The following FIP1L1 variants were observed in gnomAD, a reference collection of about 807,000 sequenced individuals.
The protein encoded by FIP1L1 is factor interacting with PAPOLA and CPSF1.
A neutral mutation model predicts 84.6 loss-of-function variants in FIP1L1; 21 were observed. That is an observed-to-expected ratio of 0.25 (90% CI 0.18 to 0.36). The LOEUF is 0.36. Among genes scored for constraint, FIP1L1 ranks in the 10% least tolerant of loss-of-function variants. The pLI is 1.00. For synonymous variants in FIP1L1, 263 were observed against 242.3 expected (o/e 1.09, Z -0.80); for missense variants, 526 against 751.1 (o/e 0.70, Z 3.50).
At chr4:53,446,396 A>G (rs1230955413) in intron 15 of FIP1L1, among the ~76,000 whole-genome samples, 2 of 152,064 alleles carry the variant, frequency 1.3e-5, no homozygotes, top group Non-Finnish European at 2.9e-5. Context: ...GTTACCTGTT[A>G]TTTTTTATAA....
intron 15 of FIP1L1, 68 bp from the exon 16 acceptor site, chr4:53,452,852 A>G (rs1014898709): frequency 4.2e-6 from 5 of 1,196,590 alleles, no homozygotes; most frequent in Middle Eastern, 2.8e-4. Context: ...CTCATGACAC[A>G]TTTTTGGTGG....
intron 11 of FIP1L1, among the ~76,000 whole-genome samples, chr4:53,416,064 TAAAGA>T (rs1331158615): frequency 6.6e-6 from 1 of 152,202 alleles, no homozygotes; most frequent in Admixed American, 6.5e-5. Flanking sequence ...TTATTTTAAA[TAAAGA>T]AAAGTTAGAT....
chr4:53,456,630 G>GT (rs1365132765), intron 16 of FIP1L1, among the ~76,000 whole-genome samples: 1 of 152,106 alleles, frequency 6.6e-6, no homozygotes, highest in Non-Finnish European at 1.5e-5. Context: ...TTCAACTTCT[G>GT]TTTTTTAGGG....
In FIP1L1 at chr4:53,390,916, CTAAATT is replaced by C. The variant is rs1177104186; in HGVS notation, c.506-90_506-85del. 15 of 1,081,886 alleles carry C rather than the reference CTAAATT, an allele frequency of 1.4e-5. No individual in the cohort carries two copies. The East Asian group carries it at 3.6e-4, about 26-fold the overall frequency. The allele number at this position is 1,081,886 out of a possible 1,614,324, so 67.0% of individuals were successfully genotyped here. A position where few individuals can be genotyped will look rare whatever the true frequency, so the allele number is the denominator to read the frequency against. ...TGATAGAGTGATAACTGATAGAACT[CTAAATT>C]TATATTTTTATAGTTTAGTATATTT... On this transcript the variant is annotated intron_variant, in intron 7 of 17. Transcript: ENST00000337488.
At chr4:53,426,056 T>A in intron 12 of FIP1L1, 91 bp downstream of exon 12, 1 of 829,676 alleles carries the variant, frequency 1.2e-6, no homozygotes, top group Non-Finnish European at 1.9e-6. Context: ...CATAGTGCTA[T>A]GCTGTGTTTT....
intron 16 of FIP1L1, among the ~76,000 whole-genome samples, chr4:53,455,993 T>C (rs1186497232): frequency 6.6e-6 from 1 of 152,108 alleles, no homozygotes; most frequent in Non-Finnish European, 1.5e-5. Flanking sequence ...GGAAATGTGC[T>C]GTTGACTTTA....
chr4:53,454,824 C>G (rs889818482), intron 16 of FIP1L1, among the ~76,000 whole-genome samples: 5 of 152,158 alleles, frequency 3.3e-5, no homozygotes, highest in African/African-American at 1.2e-4. Context: ...ATTGCCTTCT[C>G]CTCTCTAGCT....
At chr4:53,412,899 ACT>A (rs1204771528) in intron 10 of FIP1L1, among the ~76,000 whole-genome samples, 2 of 151,948 alleles carry the variant, frequency 1.3e-5, no homozygotes, top group African/African-American at 4.8e-5. Context: ...TGATTATGTA[ACT>A]CTTATTTCTC....
In FIP1L1 at chr4:53,413,062, C is replaced by A. The variant is rs149367519; in HGVS notation, c.816-1553C>A. On this transcript the variant is annotated intron_variant, in intron 10 of 17. Transcript: ENST00000337488. ...TTATTTGTATACATGGTGTTTAAAC[C>A]GTATGTATGATTTATATATACTGTA... Among the ~76,000 whole-genome samples the A allele has an allele frequency of 4.0e-3, 603 of 152,024 alleles. 5 individuals are homozygous for A. The highest frequency in any genetic ancestry group is 0.014 in the African/African-American group (571 of 41,494).
At position 53,425,888 on chromosome 4, in the gene FIP1L1, A is replaced by G; in HGVS notation, c.940A>G (p.Ile314Val). The change falls in exon 12 of 18, where the codon ATT (isoleucine) becomes GTT (valine). Residue 314 changes from isoleucine (I) to valine (V), a missense_variant. This residue lies in a region of FIP1L1 where 80 missense variants were observed against 151.1 expected (regional missense o/e 0.53). Transcript: ENST00000337488. ...SPDLRRLPGA[I>V]DVIGQTITIS... is the part of the protein sequence containing the mutation. ...ATGTTACAGGAGATTACCTGGGGCA[A>G]TTGATGTTATCGGTCAGACTATAAC... 1 of 1,610,672 alleles carries G rather than the reference A, an allele frequency of 6.2e-7. No homozygotes were observed. Among genetic ancestry groups the G allele is most frequent in the Non-Finnish European group, 8.5e-7 (1 of 1,177,706 alleles).
chr4:53,384,175 G>A (rs1398057651), intron 5 of FIP1L1, among the ~76,000 whole-genome samples: 2 of 152,110 alleles, frequency 1.3e-5, no homozygotes, highest in Non-Finnish European at 2.9e-5. Context: ...TTGGGAGGCC[G>A]AGGCGGGTGA....
intron 5 of FIP1L1, among the ~76,000 whole-genome samples, chr4:53,386,379 AAGC>A (rs1192847922): frequency 2.0e-5 from 3 of 152,196 alleles, no homozygotes; most frequent in Admixed American, 1.3e-4. Context: ...AGTTACATGA[AAGC>A]AGCAATTTTT....
intron 11 of FIP1L1, among the ~76,000 whole-genome samples, chr4:53,422,722 AT>A (rs1031397792): frequency 7.4e-5 from 11 of 149,436 alleles, no homozygotes; most frequent in African/African-American, 1.5e-4. Flanking sequence ...ATATATATAT[AT>A]TTTTTTTTTG....
chr4:53,442,430 C>T, intron 13 of FIP1L1: 1 of 442,008 alleles, frequency 2.3e-6, no homozygotes, highest in Admixed American at 4.0e-5. Flanking sequence ...GTCCTGACTC[C>T]CAGTTTGTTT....
chr4:53,450,798 A>G (rs1436083743), intron 15 of FIP1L1, among the ~76,000 whole-genome samples: 2 of 152,168 alleles, frequency 1.3e-5, no homozygotes, highest in Admixed American at 6.5e-5. Context: ...CTGTATTTCT[A>G]TTAGTTTTTA....
chr4:53,426,012 T>C (rs777804266), intron 12 of FIP1L1, 47 bp downstream of exon 12: 23 of 1,282,732 alleles, frequency 1.8e-5, no homozygotes, highest in African/African-American at 3.0e-5. Context: ...AAGGATGATA[T>C]CAACATTATA....
At chr4:53,415,735 G>C (rs1474015628) in intron 11 of FIP1L1, among the ~76,000 whole-genome samples, 1 of 152,048 alleles carries the variant, frequency 6.6e-6, no homozygotes, top group African/African-American at 2.4e-5. Context: ...TTTCTATACA[G>C]TCTTAATTAT....
At chr4:53,397,350 G>A (rs867991457) in intron 9 of FIP1L1, among the ~76,000 whole-genome samples, 2 of 152,158 alleles carry the variant, frequency 1.3e-5, no homozygotes, top group Admixed American at 1.3e-4. Context: ...AGAGATCAGT[G>A]ATCACCAGAG....
At chr4:53,450,608 C>CT (rs1775979588) in intron 15 of FIP1L1, among the ~76,000 whole-genome samples, 1 of 152,140 alleles carries the variant, frequency 6.6e-6, no homozygotes, top group Non-Finnish European at 1.5e-5. Context: ...TCACTTGAGC[C>CT]TGAGAGTTCA....
Sources: gnomAD v4.1 joint callset for allele counts (sites outside exome capture counted in the v4.1 genomes callset) on GRCh38, gnomAD v4.1.1 for gene constraint, gnomAD v4.1.1 regional missense constraint, MANE v1.5 for transcripts, NCBI Gene and HGNC (gene_info 2026-07-23, HGNC 2026-07-21) for gene names.